The following SLC16A10 variants were observed in gnomAD, a reference collection of about 807,000 sequenced individuals.
SLC16A10 encodes solute carrier family 16 member 10.
SLC16A10 carries 27 observed loss-of-function variants against 40.0 expected under a neutral mutation model. That is an observed-to-expected ratio of 0.67 (90% CI 0.50 to 0.93). The LOEUF is 0.93. SLC16A10 is among the 40% of genes least tolerant of loss of function. The pLI is 0.00. For missense variants in SLC16A10, 529 were observed against 658.2 expected, an observed-to-expected ratio of 0.80 and a Z score of 2.15; for synonymous variants, 213 against 249.8, an observed-to-expected ratio of 0.85 and a Z score of 1.39.
chr6:111,134,227 C>A (rs756429869), intron 1 of SLC16A10, among the ~76,000 whole-genome samples: 127 of 152,260 alleles, frequency 8.3e-4, no homozygotes, highest in Admixed American at 3.4e-3. Context: ...TGCTAACTTG[C>A]GTGCTAGAAG....
Position 111,177,428 on chromosome 6 carries a change from G to A in SLC16A10, c.705G>A (p.Arg235=). 6.2e-7 allele frequency: 1 copy of A among 1,614,008 alleles called. No individual in the cohort carries two copies. The highest frequency in any genetic ancestry group is 8.5e-7 in the Non-Finnish European group (1 of 1,179,990). ...GCGTGGGCCTCTTTTACACATTGAG[G>A]GTGCTCTGCATCTTCATGTTTGTTC... is the stretch of plus-strand genomic sequence containing the variant. ...IDSVGLFYTL[R]VLCIFMFVLF... is the part of the protein sequence containing the mutation. Residue 235 remains arginine, a synonymous_variant, in exon 3 of 6, where the codon AGG becomes AGA. Coordinates refer to ENST00000368851, the MANE Select transcript of SLC16A10 (RefSeq NM_018593.5).
At chr6:111,175,350 C>G (rs1268158672) in intron 2 of SLC16A10, among the ~76,000 whole-genome samples, 1 of 152,196 alleles carries the variant, frequency 6.6e-6, no homozygotes, top group Non-Finnish European at 1.5e-5. Context: ...ATATACTTCA[C>G]TCTGCAGGAG....
Position 111,229,678 on chromosome 6 carries a change from ATTGT to A in SLC16A10, c.*7448_*7451del, listed in dbSNP as rs1412133348. 8 of 152,326 alleles carry A rather than the reference ATTGT, an allele frequency of 5.3e-5. No individual in the cohort carries two copies. The East Asian group carries it at 5.8e-4, about 11-fold the overall frequency. The allele number at this position is 152,326 out of a possible 1,614,324, so 9.4% of individuals were successfully genotyped here. A position where few individuals can be genotyped will look rare whatever the true frequency, so the allele number is the denominator to read the frequency against. On this transcript the variant is annotated 3_prime_UTR_variant, in exon 6 of 6. Coordinates refer to ENST00000368851, the MANE Select transcript of SLC16A10 (RefSeq NM_018593.5). ...TTTGAAATTTATCACTGAAAGTATC[ATTGT>A]TTGTCTTTCAGATTTAACATAAACA... is the stretch of plus-strand genomic sequence containing the variant.
chr6:111,088,779 T>A (rs1369131350), intron 1 of SLC16A10, among the ~76,000 whole-genome samples: 4 of 152,076 alleles, frequency 2.6e-5, no homozygotes, highest in African/African-American at 7.2e-5. Flanking sequence ...CATTTTTTTT[T>A]AACCATATAG....
intron 1 of SLC16A10, among the ~76,000 whole-genome samples, chr6:111,111,276 A>G (rs571543436): frequency 1.3e-5 from 2 of 152,348 alleles, no homozygotes; most frequent in South Asian, 4.1e-4. Context: ...GATGTTTTGT[A>G]TTATGTATAA....
intron 1 of SLC16A10, among the ~76,000 whole-genome samples, chr6:111,150,950 A>G (rs1408941252): frequency 2.0e-5 from 3 of 152,208 alleles, no homozygotes; most frequent in Non-Finnish European, 4.4e-5. Context: ...GAAATTTATA[A>G]CATCTAAATT....
intron 1 of SLC16A10, among the ~76,000 whole-genome samples, chr6:111,162,100 T>C (rs1772381856): frequency 6.6e-6 from 1 of 152,234 alleles, no homozygotes; most frequent in Non-Finnish European, 1.5e-5. Context: ...TTTTGAAACA[T>C]AATTTTTCTC....
intron 3 of SLC16A10, among the ~76,000 whole-genome samples, chr6:111,203,238 C>T (rs1360075178): frequency 6.6e-6 from 1 of 152,166 alleles, no homozygotes; most frequent in East Asian, 1.9e-4. Flanking sequence ...GCCTAGGCCA[C>T]AAGTAGAACA....
intron 1 of SLC16A10, among the ~76,000 whole-genome samples, chr6:111,130,727 C>T (rs951870082): frequency 3.9e-5 from 6 of 152,198 alleles, no homozygotes; most frequent in Middle Eastern, 3.2e-3. Flanking sequence ...CTCCCACCTG[C>T]CCATCTCTGC....
intron 1 of SLC16A10, among the ~76,000 whole-genome samples, chr6:111,136,154 C>T (rs1200796040): frequency 1.3e-5 from 2 of 152,172 alleles, no homozygotes; most frequent in Non-Finnish European, 2.9e-5. Context: ...AAGATGGACA[C>T]CTGAAGCAGA....
chr6:111,128,232 AC>A (rs111632980), intron 1 of SLC16A10, among the ~76,000 whole-genome samples: 4 of 152,310 alleles, frequency 2.6e-5, no homozygotes, highest in African/African-American at 9.6e-5. Flanking sequence ...TTGAGTGCTT[AC>A]GAAGAGCCAG....
intron 1 of SLC16A10, among the ~76,000 whole-genome samples, chr6:111,163,344 G>A (rs953993918): frequency 6.6e-6 from 1 of 151,084 alleles, no homozygotes; most frequent in Admixed American, 6.6e-5. Context: ...AGTAGAGACG[G>A]GGTTTCACCG....
At chr6:111,155,022 CAAAAAAAAAAA>C (rs397888706) in intron 1 of SLC16A10, among the ~76,000 whole-genome samples, 1 of 53,456 alleles carries the variant, frequency 1.9e-5, no homozygotes, top group East Asian at 5.2e-4. Flanking sequence ...GACTCCATCT[CAAAAAAAAAAA>C]AAAAAAAAAA....
At chr6:111,156,084 A>G (rs888371740) in intron 1 of SLC16A10, among the ~76,000 whole-genome samples, 14 of 152,242 alleles carry the variant, frequency 9.2e-5, no homozygotes, top group East Asian at 1.9e-4. Context: ...AGAGTTTGCA[A>G]TAGCCAACAA....
intron 1 of SLC16A10, among the ~76,000 whole-genome samples, chr6:111,099,403 C>T (rs570778419): frequency 1.3e-5 from 2 of 152,256 alleles, no homozygotes; most frequent in Non-Finnish European, 2.9e-5. Flanking sequence ...GCAGCCTTGA[C>T]CTGGGCTCAA....
At chr6:111,201,501 G>A (rs562903730) in intron 3 of SLC16A10, among the ~76,000 whole-genome samples, 1 of 152,148 alleles carries the variant, frequency 6.6e-6, no homozygotes, top group Non-Finnish European at 1.5e-5. Flanking sequence ...TTTGTTTGAA[G>A]AGTCTCCAGT....
chr6:111,191,834 A>G (rs1167710445), intron 3 of SLC16A10, among the ~76,000 whole-genome samples: 2 of 151,978 alleles, frequency 1.3e-5, no homozygotes, highest in Non-Finnish European at 2.9e-5. Flanking sequence ...AAAAGTGTTC[A>G]TATCCTTCAC....
At chr6:111,205,437 C>T (rs898892488) in intron 3 of SLC16A10, among the ~76,000 whole-genome samples, 1 of 152,080 alleles carries the variant, frequency 6.6e-6, no homozygotes, top group Non-Finnish European at 1.5e-5. Flanking sequence ...CTATGGCCCA[C>T]AGGTCACTGT....
rs111585749 is a variant in SLC16A10 at position 111,121,321 on chromosome 6, G to C, written c.343+33226G>C. Reference sequence around the variant, plus strand: ...TCACACCGGTAATCCCGGCACTTTGGGGGGCTGAGTTGGGCCTGTTGCTTG... The same window carrying C: ...TCACACCGGTAATCCCGGCACTTTGCGGGGCTGAGTTGGGCCTGTTGCTTG... On this transcript the variant is annotated intron_variant, in intron 1 of 5. Coordinates refer to ENST00000368851, the MANE Select transcript of SLC16A10 (RefSeq NM_018593.5). Among the ~76,000 whole-genome samples the C allele has an allele frequency of 2.6e-3, 389 of 152,334 alleles. 2 individuals are homozygous for C. The highest frequency in any genetic ancestry group is 8.8e-3 in the African/African-American group (367 of 41,566).
Sources: allele counts gnomAD v4.1 joint callset (sites outside exome capture counted in the v4.1 genomes callset), GRCh38; gene constraint gnomAD v4.1.1; transcripts MANE v1.5; gene names NCBI Gene and HGNC (gene_info 2026-07-23, HGNC 2026-07-21).